Variants in ASAH1 observed in about 807,000 individuals in gnomAD.
ASAH1 encodes N-acylsphingosine amidohydrolase 1.
In ASAH1, 70 loss-of-function variants were observed where a neutral mutation model predicts 59.5. The ratio of observed to expected loss-of-function variants is 1.18; its 90% CI spans 0.97 to 1.43. The LOEUF (loss-of-function observed/expected upper bound fraction) is 1.43, where lower values mean the gene tolerates loss of function less well. Among genes scored for constraint, ASAH1 ranks in the 40% most tolerant of loss-of-function variants. The pLI, the probability that ASAH1 is intolerant of heterozygous loss-of-function variation, is 0.00. For missense variants in ASAH1, 660 were observed against 482.5 expected, an observed-to-expected ratio of 1.37 and a Z score of -3.45; for synonymous variants, 213 against 166.5, an observed-to-expected ratio of 1.28 and a Z score of -2.15.
At chr8:18,064,304 C>T in intron 6 of ASAH1, 153 bp downstream of exon 6, 1 of 683,242 alleles carries the variant, frequency 1.5e-6, no homozygotes, top group Non-Finnish European at 2.5e-6. Flanking sequence ...ATTTTCAGTA[C>T]AATCACAAAA....
intron 1 of ASAH1, among the ~76,000 whole-genome samples, chr8:18,078,205 G>A (rs1373250221): frequency 1.3e-5 from 2 of 152,168 alleles, no homozygotes; most frequent in Non-Finnish European, 2.9e-5. Context: ...CACGCCCTGG[G>A]TTCCAAAGCC....
intron 2 of ASAH1, among the ~76,000 whole-genome samples, chr8:18,073,584 C>T (rs950924325): frequency 1.3e-5 from 2 of 152,202 alleles, no homozygotes; most frequent in Non-Finnish European, 2.9e-5. Context: ...CAGATGGACT[C>T]AGGGGTGATC....
At chr8:18,075,802 A>T (rs1800379864) in intron 1 of ASAH1, 6 of 586,102 alleles carry the variant, frequency 1.0e-5, no homozygotes, top group South Asian at 1.0e-4. Flanking sequence ...AATTTGTAAA[A>T]GTGCTAGGTG....
chr8:18,071,312 G>A lies in ASAH1; in HGVS notation c.204C>T (p.Asp68=). Residue 68 remains aspartate, a synonymous_variant, in exon 3 of 14, where the codon GAC becomes GAT. Coordinates refer to ENST00000637790, the MANE Select transcript of ASAH1 (RefSeq NM_177924.5). ...CATCATAGCATACCACTGGTGCCTTGTCAAGCATCAATTCATGCCATCTTT... is the reference window on the plus strand; with the variant it reads ...CATCATAGCATACCACTGGTGCCTTATCAAGCATCAATTCATGCCATCTTT... The part of the protein sequence containing the change: ...PYKRWHELML[D]KAPVLKVIVN... The A allele has an allele frequency of 6.3e-7, 1 of 1,588,932 alleles. No homozygotes were observed. Among genetic ancestry groups the A allele is most frequent in the Non-Finnish European group, 8.6e-7 (1 of 1,160,070 alleles).
rs1799772408 is a variant in ASAH1, at chr8:18,063,014, T to G, written c.503+171A>C. 6.4e-6 allele frequency: 4 copies of G among 622,728 alleles called. No homozygotes were observed. In the East Asian group the frequency reaches 1.2e-4, roughly 18 times the overall value. 38.6% of individuals were successfully genotyped at this position (622,728 alleles called of 1,614,324 possible). On this transcript the variant is annotated intron_variant, in intron 7 of 13. Coordinates refer to ENST00000637790, the MANE Select transcript of ASAH1 (RefSeq NM_177924.5). ...GCTCCCAAGTAGCCGGGATTACAGATGCCCACCACCATGCCTGGCTAATTT... is the reference window on the plus strand; with the variant it reads ...GCTCCCAAGTAGCCGGGATTACAGAGGCCCACCACCATGCCTGGCTAATTT...
In ASAH1 at chr8:18,080,590, G is replaced by A. The variant is rs115948618; in HGVS notation, c.78+3391C>T. ...TTTTTGTTTTCTGTGACGAAGTTTC[G>A]CTCATTGTCCAGGCTGGAGTGCAAT... is the stretch of plus-strand genomic sequence containing the variant. On this transcript the variant is annotated intron_variant, in intron 1 of 13. Coordinates refer to ENST00000637790, the MANE Select transcript of ASAH1 (RefSeq NM_177924.5). Among the ~76,000 whole-genome samples, 435 of 152,118 alleles carry A rather than the reference G, an allele frequency of 2.9e-3. 1 individual carries two copies. The highest frequency in any genetic ancestry group is 0.01 in the African/African-American group (417 of 41,490).
At chr8:18,059,511 C>A in intron 11 of ASAH1, 47 bp from the exon 12 acceptor site, 1 of 1,614,176 alleles carries the variant, frequency 6.2e-7, no homozygotes, top group East Asian at 2.2e-5. Flanking sequence ...TGCCTTAAAA[C>A]TCAAAGTATA....
rs145381040 is a variant in ASAH1 at position 18,062,215 on chromosome 8, C to G, written c.648+64G>C. On this transcript the variant is annotated intron_variant, in intron 8 of 13. Coordinates refer to ENST00000637790, the MANE Select transcript of ASAH1 (RefSeq NM_177924.5). Reference sequence around the variant, plus strand: ...AGGTCCTCATATTCTTAGATTTCAACTTTTACATAACGGTAACAGGACAGA... The same window carrying G: ...AGGTCCTCATATTCTTAGATTTCAAGTTTTACATAACGGTAACAGGACAGA... The G allele has an allele frequency of 2.5e-4, 397 of 1,610,074 alleles. 5 individuals are homozygous for G. The Middle Eastern group carries it at 0.014, about 56-fold the overall frequency.
intron 1 of ASAH1, among the ~76,000 whole-genome samples, chr8:18,077,173 G>A (rs1208104887): frequency 1.3e-5 from 2 of 152,174 alleles, no homozygotes; most frequent in African/African-American, 4.8e-5. Flanking sequence ...CAGAAATGAT[G>A]ACGGTTATAT....
intron 1 of ASAH1, 91 bp from the exon 2 acceptor site, chr8:18,075,678 C>T (rs897342170): frequency 1.7e-6 from 2 of 1,195,440 alleles, no homozygotes; most frequent in African/African-American, 1.5e-5. Flanking sequence ...GTGAAGACAA[C>T]ATCAAGTCTG....
intron 9 of ASAH1, 81 bp downstream of exon 9, chr8:18,061,605 T>G: frequency 6.6e-7 from 1 of 1,517,882 alleles, no homozygotes; most frequent in Non-Finnish European, 9.0e-7. Context: ...GAGGTTGGAC[T>G]TTGTAACCAG....
intron 1 of ASAH1, 87 bp downstream of exon 1, chr8:18,083,894 T>G: frequency 2.6e-6 from 4 of 1,538,584 alleles, no homozygotes; most frequent in Non-Finnish European, 3.5e-6. Context: ...AGGTGTTCCT[T>G]GTACCCGCTC....
intron 1 of ASAH1, among the ~76,000 whole-genome samples, chr8:18,081,072 G>C (rs1342920820): frequency 6.6e-6 from 1 of 152,038 alleles, no homozygotes; most frequent in African/African-American, 2.4e-5. Flanking sequence ...ATGCCTCTCT[G>C]CCACCTGAAA....
At chr8:18,065,500 G>C (rs980697466) in intron 5 of ASAH1, 8 of 151,990 alleles carry the variant, frequency 5.3e-5, no homozygotes, top group African/African-American at 1.9e-4. Flanking sequence ...TGACACTACT[G>C]CTTTGCTAGC....
intron 2 of ASAH1, among the ~76,000 whole-genome samples, chr8:18,075,206 C>G (rs111683029): frequency 0.11 from 15,962 of 151,714 alleles, 925 homozygotes; most frequent in African/African-American, 0.14. Flanking sequence ...TGTTAGCCAG[C>G]ATGGTCTCGA....
upstream of ASAH1, chr8:18,084,227 G>T: frequency 1.3e-6 from 2 of 1,483,492 alleles, no homozygotes; most frequent in South Asian, 2.6e-5. Context: ...GGAGAGGACG[G>T]GGCTTTTCAG....
At chr8:18,067,089 T>G in intron 5 of ASAH1, 131 bp downstream of exon 5, 1 of 157,388 alleles carries the variant, frequency 6.4e-6, no homozygotes, top group Non-Finnish European at 1.9e-5. Context: ...GAGCTGTATA[T>G]CTAAGACCTG....
At chr8:18,082,361 T>C (rs1039230081) in intron 1 of ASAH1, among the ~76,000 whole-genome samples, 2 of 152,166 alleles carry the variant, frequency 1.3e-5, no homozygotes, top group Non-Finnish European at 2.9e-5. Context: ...TCAATATTAT[T>C]ACAAGCCGAT....
rs1490977723 is a variant in ASAH1 at position 18,083,910 on chromosome 8, G to C, written c.78+71C>G. 3 of 1,547,224 alleles carry C rather than the reference G, an allele frequency of 1.9e-6. No individual in the cohort carries two copies. The African/African-American group carries it at 4.1e-5, about 21-fold the overall frequency. On this transcript the variant is annotated intron_variant, in intron 1 of 13. Transcript: ENST00000637790. The stretch of plus-strand genomic sequence containing the variant: ...GGTGTTCCTTGTACCCGCTCGCGCC[G>C]CCACACCTGCGCCTCCATCCGCGCC...
Sources: gnomAD v4.1 joint callset for allele counts (sites outside exome capture counted in the v4.1 genomes callset) on GRCh38, gnomAD v4.1.1 for gene constraint, MANE v1.5 for transcripts, NCBI Gene and HGNC (gene_info 2026-07-23, HGNC 2026-07-21) for gene names.